KCNJ3: variants seen among roughly 807,000 people sequenced by gnomAD.
The protein encoded by KCNJ3 is G protein-activated inward rectifier potassium channel 1.
Under a neutral mutation model 39.2 loss-of-function variants are expected in KCNJ3, and 4 were observed. The ratio of observed to expected loss-of-function variants is 0.10; its 90% CI spans 0.05 to 0.23. KCNJ3 has a LOEUF of 0.23. KCNJ3 is among the 10% of genes least tolerant of loss of function. The probability of loss-of-function intolerance (pLI) is 1.00; values close to 1 mark genes in which losing one functional copy is unlikely to be tolerated. For synonymous variants in KCNJ3, 230 were observed against 237.4 expected, an observed-to-expected ratio of 0.97 and a Z score of 0.29; for missense variants, 276 against 634.9, an observed-to-expected ratio of 0.43 and a Z score of 6.08.
chr2:154,794,969 T>A (rs889711674), intron 2 of KCNJ3, among the ~76,000 whole-genome samples: 1 of 151,878 alleles, frequency 6.6e-6, no homozygotes, highest in Non-Finnish European at 1.5e-5. Context: ...TAATTAGACA[T>A]AAAAATGAGA....
intron 2 of KCNJ3, among the ~76,000 whole-genome samples, chr2:154,744,818 CTT>C (rs756089107): frequency 1.1e-4 from 16 of 151,800 alleles, no homozygotes; most frequent in Non-Finnish European, 2.1e-4. Flanking sequence ...TGATTTTGCT[CTT>C]GTCTTTATTA....
intron 2 of KCNJ3, among the ~76,000 whole-genome samples, chr2:154,768,045 C>A (rs191290001): frequency 1.3e-5 from 2 of 152,128 alleles, no homozygotes; most frequent in Non-Finnish European, 2.9e-5. Context: ...TTGATTTTTT[C>A]TTGTAAATTT....
intron 2 of KCNJ3, among the ~76,000 whole-genome samples, chr2:154,825,252 T>A (rs1687249000): frequency 6.6e-6 from 1 of 152,112 alleles, no homozygotes. Flanking sequence ...ATGCTCAGGG[T>A]GAATGCCCAG....
chr2:154,772,221 TACTA>T (rs1213207640), intron 2 of KCNJ3, among the ~76,000 whole-genome samples: 1 of 152,204 alleles, frequency 6.6e-6, no homozygotes, highest in Non-Finnish European at 1.5e-5. Flanking sequence ...ATAAATGTTT[TACTA>T]ACTGTTTTGC....
chr2:154,772,635 A>G lies in KCNJ3; in HGVS notation c.919+62816A>G, dbSNP rs369547059. 5.9e-5 allele frequency among the ~76,000 whole-genome samples: 9 copies of G among 152,182 alleles called. No individual in the cohort carries two copies. The East Asian group carries it at 1.7e-3, about 29-fold the overall frequency. On this transcript the variant is annotated intron_variant, in intron 2 of 2. Coordinates refer to ENST00000295101, the MANE Select transcript of KCNJ3 (RefSeq NM_002239.4). ...CTTTCCCTCAAATTGTTAAAAAAGA[A>G]TATGTACTGTGTAATGAATGAATGT... is the stretch of plus-strand genomic sequence containing the variant.
At chr2:154,716,424 C>G (rs1443484808) in intron 2 of KCNJ3, among the ~76,000 whole-genome samples, 1 of 151,648 alleles carries the variant, frequency 6.6e-6, no homozygotes, top group East Asian at 1.9e-4. Flanking sequence ...CACGCCTAGC[C>G]CATTATTTTT....
In KCNJ3 at chr2:154,839,793, T is replaced by C. The variant is rs570553458; in HGVS notation, c.920-14934T>C. On this transcript the variant is annotated intron_variant, in intron 2 of 2. Coordinates refer to ENST00000295101, the MANE Select transcript of KCNJ3 (RefSeq NM_002239.4). The stretch of plus-strand genomic sequence containing the variant: ...TTTTGATGGGGTTGTTTGTTTTTTT[T>C]CTTGTAAATTTGTTTGAGTTCTTTG... Among the ~76,000 whole-genome samples the C allele has an allele frequency of 2.7e-3, 418 of 152,308 alleles. 2 individuals are homozygous for C. The highest frequency in any genetic ancestry group is 9.8e-3 in the African/African-American group (406 of 41,554).
At chr2:154,703,479 ATGTGTGTGTG>A (rs3138640) in intron 1 of KCNJ3, among the ~76,000 whole-genome samples, 1 of 148,176 alleles carries the variant, frequency 6.7e-6, no homozygotes, top group Non-Finnish European at 1.5e-5. Context: ...CTCCATATAT[ATGTGTGTGTG>A]TGTGTGTGTG....
chr2:154,749,364 G>T (rs1685799472), intron 2 of KCNJ3, among the ~76,000 whole-genome samples: 1 of 152,086 alleles, frequency 6.6e-6, no homozygotes, highest in Non-Finnish European at 1.5e-5. Context: ...TAGCAGATCT[G>T]CTTCGTTATG....
intron 2 of KCNJ3, among the ~76,000 whole-genome samples, chr2:154,851,194 A>T (rs891385602): frequency 2.0e-5 from 3 of 152,054 alleles, no homozygotes; most frequent in African/African-American, 7.2e-5. Context: ...GTGAGCTATG[A>T]TCCCACCACT....
At chr2:154,713,164 C>T (rs770205139) in intron 2 of KCNJ3, among the ~76,000 whole-genome samples, 6 of 151,728 alleles carry the variant, frequency 4.0e-5, no homozygotes, top group South Asian at 4.2e-4. Context: ...TGTATTTATA[C>T]GAAAGAGTAA....
intron 2 of KCNJ3, among the ~76,000 whole-genome samples, chr2:154,744,282 G>C (rs556388432): frequency 6.6e-6 from 1 of 151,760 alleles, no homozygotes; most frequent in African/African-American, 2.4e-5. Context: ...ATTCATGAGG[G>C]ATATTGAGGT....
intron 2 of KCNJ3, among the ~76,000 whole-genome samples, chr2:154,776,128 A>G (rs1431016518): frequency 1.3e-5 from 2 of 151,844 alleles, no homozygotes; most frequent in African/African-American, 4.8e-5. Flanking sequence ...CAGCCTCCCA[A>G]GTAGCTGGGA....
intron 2 of KCNJ3, among the ~76,000 whole-genome samples, chr2:154,779,154 A>C (rs1453622482): frequency 6.6e-6 from 1 of 152,052 alleles, no homozygotes; most frequent in African/African-American, 2.4e-5. Flanking sequence ...CACACAATAC[A>C]TTGACCACTC....
intron 2 of KCNJ3, among the ~76,000 whole-genome samples, chr2:154,821,659 T>TTTTTTTAG (rs869189190): frequency 7.4e-6 from 1 of 134,832 alleles, no homozygotes; most frequent in Admixed American, 7.8e-5. Flanking sequence ...TTTTTTTTTT[T>TTTTTTTAG]GAGATGGAGT....
At chr2:154,701,130 C>T (rs77204488) in intron 1 of KCNJ3, among the ~76,000 whole-genome samples, 3,372 of 152,158 alleles carry the variant, frequency 0.022, 42 homozygotes, top group Non-Finnish European at 0.03. Context: ...CTGTATGTGT[C>T]TTTAGCTTTG....
rs182906665 is a variant in KCNJ3, at chr2:154,702,280, C to T, written c.702+2803C>T. Among the ~76,000 whole-genome samples the T allele has an allele frequency of 5.3e-5, 8 of 151,980 alleles. No homozygotes were observed. The East Asian group carries it at 1.2e-3, about 22-fold the overall frequency. On this transcript the variant is annotated intron_variant, in intron 1 of 2. Transcript: ENST00000295101. ...ACAAAATCCAGTATAATATTTAATG[C>T]TAGTAACTATAGTGCATGTATTCTT...
intron 2 of KCNJ3, among the ~76,000 whole-genome samples, chr2:154,825,400 C>T (rs1687253257): frequency 6.6e-6 from 1 of 151,964 alleles, no homozygotes; most frequent in Admixed American, 6.6e-5. Flanking sequence ...ATCTTCAGTG[C>T]CTAGTACAAT....
At chr2:154,802,643 G>C (rs1686839338) in intron 2 of KCNJ3, among the ~76,000 whole-genome samples, 1 of 151,972 alleles carries the variant, frequency 6.6e-6, no homozygotes, top group South Asian at 2.1e-4. Context: ...TACATTCCCA[G>C]TTCTCTTTCA....
Sources: gnomAD v4.1 joint callset for allele counts (sites outside exome capture counted in the v4.1 genomes callset) on GRCh38, gnomAD v4.1.1 for gene constraint, MANE v1.5 for transcripts, NCBI Gene and HGNC (gene_info 2026-07-23, HGNC 2026-07-21) for gene names.